Variants in ELMO1 observed in about 807,000 individuals in gnomAD.
ELMO1 encodes engulfment and cell motility protein 1.
In ELMO1, 26 loss-of-function variants were observed where a neutral mutation model predicts 98.9. The observed-to-expected ratio is 0.26, with a 90% confidence interval of 0.19 to 0.36. ELMO1 has a LOEUF of 0.36. Among genes scored for constraint, ELMO1 ranks in the 10% least tolerant of loss-of-function variants. ELMO1 has a pLI of 1.00. For synonymous variants in ELMO1, 346 were observed against 346.0 expected, an observed-to-expected ratio of 1.00 and a Z score of 0.00; for missense variants, 627 against 935.2, an observed-to-expected ratio of 0.67 and a Z score of 4.30.
chr7:37,226,052 A>G (rs73108978), intron 8 of ELMO1, among the ~76,000 whole-genome samples: 1,721 of 152,236 alleles, frequency 0.011, 31 homozygotes, highest in African/African-American at 0.036. Context: ...ATAAATGCAC[A>G]GCACACCATG....
Position 36,855,178 on chromosome 7 carries a change from G to C in ELMO1, c.*373C>G. 3.6e-6 allele frequency: 1 copy of C among 276,228 alleles called. No individual in the cohort carries two copies. Among genetic ancestry groups the C allele is most frequent in the Non-Finnish European group, 7.0e-6 (1 of 142,320 alleles). The allele number at this position is 276,228 out of a possible 1,614,324, so 17.1% of individuals were successfully genotyped here. ...CTTGGGGCACTGCCCTTGGTCTGGTGGGCAAGTTTTTGGGCAGTCTGGGGC... is the reference window on the plus strand; with the variant it reads ...CTTGGGGCACTGCCCTTGGTCTGGTCGGCAAGTTTTTGGGCAGTCTGGGGC... On this transcript the variant is annotated 3_prime_UTR_variant, in exon 22 of 22. Transcript: ENST00000310758. This position sits in a 1 kb window ranked among gnomAD's most constrained non-coding sequence, Gnocchi z 4.2.
chr7:36,963,812 C>T (rs1394883096), intron 16 of ELMO1, among the ~76,000 whole-genome samples: 7 of 152,104 alleles, frequency 4.6e-5, no homozygotes, highest in Non-Finnish European at 1.0e-4. Context: ...AATAACCTGC[C>T]CTTCTGCCCT....
At chr7:36,944,605 T>C (rs1331972135) in intron 16 of ELMO1, among the ~76,000 whole-genome samples, 1 of 152,244 alleles carries the variant, frequency 6.6e-6, no homozygotes, top group Non-Finnish European at 1.5e-5. Context: ...AGCATGTCAC[T>C]GGTCTCTTCC....
At chr7:37,144,221 T>C (rs1787837974) in intron 13 of ELMO1, among the ~76,000 whole-genome samples, 1 of 152,194 alleles carries the variant, frequency 6.6e-6, no homozygotes, top group Admixed American at 6.6e-5. Context: ...AAAAATATTT[T>C]GGGGTACAGA....
chr7:37,075,057 A>T (rs1050964778), intron 15 of ELMO1, among the ~76,000 whole-genome samples: 6 of 152,198 alleles, frequency 3.9e-5, no homozygotes, highest in Admixed American at 2.0e-4. Context: ...CACGAGCAAT[A>T]AAAGGTGTGT....
At chr7:37,089,338 T>G (rs1308650210) in intron 15 of ELMO1, among the ~76,000 whole-genome samples, 2 of 152,166 alleles carry the variant, frequency 1.3e-5, no homozygotes. Context: ...GTAATGTAGG[T>G]TTCTTTCTTG....
intron 16 of ELMO1, among the ~76,000 whole-genome samples, chr7:36,928,152 T>C (rs1421619840): frequency 6.6e-6 from 1 of 152,258 alleles, no homozygotes; most frequent in Admixed American, 6.5e-5. Context: ...TAAACTCCTT[T>C]GATTCAAGTG....
At position 37,320,704 on chromosome 7, in the gene ELMO1, C is replaced by T. The variant is rs1295674560; in HGVS notation, c.79-4744G>A. On this transcript the variant is annotated intron_variant, in intron 2 of 21. Transcript: ENST00000310758. ...TCTTAGTTCATTTCTGTAGCCTTCC[C>T]CACCCCTCAGTACTAGTTACCACAG... Among the ~76,000 whole-genome samples the T allele has an allele frequency of 1.3e-5, 2 of 152,126 alleles. 1 individual carries two copies. Among genetic ancestry groups the T allele is most frequent in the Non-Finnish European group, 2.9e-5 (2 of 68,026 alleles).
At position 37,305,609 on chromosome 7, in the gene ELMO1, A is replaced by G. The variant is rs73110895; in HGVS notation, c.192+9241T>C. Among the ~76,000 whole-genome samples the G allele has an allele frequency of 6.8e-3, 1,030 of 152,382 alleles. 9 individuals are homozygous for G. The highest frequency in any genetic ancestry group is 0.019 in the African/African-American group (810 of 41,596). The stretch of plus-strand genomic sequence containing the variant: ...ACTCTACAATTTCTCCACTGTGAAT[A>G]ATCTTAATGTGTATGTGCGTCTTCT... On this transcript the variant is annotated intron_variant, in intron 4 of 21. Transcript: ENST00000310758.
intron 18 of ELMO1, among the ~76,000 whole-genome samples, chr7:36,882,648 G>T (rs1337909815): frequency 1.3e-5 from 2 of 152,248 alleles, no homozygotes; most frequent in Admixed American, 1.3e-4. Context: ...ACCTGGCCCT[G>T]ATGCTTATTA....
At chr7:36,916,888 T>C (rs1784729567) in intron 16 of ELMO1, among the ~76,000 whole-genome samples, 1 of 152,244 alleles carries the variant, frequency 6.6e-6, no homozygotes, top group Admixed American at 6.5e-5. Flanking sequence ...TACAGTGTTA[T>C]TGGAGTGAAA....
intron 15 of ELMO1, among the ~76,000 whole-genome samples, chr7:37,073,570 G>A (rs1050618563): frequency 6.9e-6 from 1 of 145,430 alleles, no homozygotes; most frequent in African/African-American, 2.6e-5. Context: ...TGTTGTTTTT[G>A]TATGTGTGTG....
At chr7:37,022,421 G>A (rs968007442) in intron 15 of ELMO1, among the ~76,000 whole-genome samples, 1 of 152,106 alleles carries the variant, frequency 6.6e-6, no homozygotes, top group Non-Finnish European at 1.5e-5. Flanking sequence ...TGGGCAAAAC[G>A]TAAATAGGCA....
At chr7:36,861,569 G>T in intron 21 of ELMO1, 90 bp downstream of exon 21, 2 of 1,429,850 alleles carry the variant, frequency 1.4e-6, no homozygotes, top group Non-Finnish European at 1.9e-6. Context: ...TTTTCAGGCA[G>T]GTCTATTTTT....
At chr7:37,129,384 G>A (rs1042387761) in intron 14 of ELMO1, among the ~76,000 whole-genome samples, 5 of 152,216 alleles carry the variant, frequency 3.3e-5, no homozygotes, top group Non-Finnish European at 5.9e-5. Context: ...GAATGCTTAA[G>A]GAGTTAGAAT....
intron 16 of ELMO1, among the ~76,000 whole-genome samples, chr7:36,927,793 A>C (rs1368209140): frequency 6.6e-6 from 1 of 152,244 alleles, no homozygotes; most frequent in African/African-American, 2.4e-5. Context: ...AGTATGAATG[A>C]GTGACAGGGG....
At chr7:36,882,367 G>T (rs1804540629) in intron 18 of ELMO1, among the ~76,000 whole-genome samples, 1 of 152,188 alleles carries the variant, frequency 6.6e-6, no homozygotes. Flanking sequence ...CCAGCAATGT[G>T]TTTAAAGGGA....
chr7:37,078,824 A>T (rs1232055067), intron 15 of ELMO1, among the ~76,000 whole-genome samples: 1 of 152,184 alleles, frequency 6.6e-6, no homozygotes, highest in Non-Finnish European at 1.5e-5. Context: ...ATAATGATAC[A>T]ATTATATTTT....
intron 4 of ELMO1, among the ~76,000 whole-genome samples, chr7:37,285,137 G>T (rs1454277614): frequency 6.6e-6 from 1 of 152,200 alleles, no homozygotes; most frequent in African/African-American, 2.4e-5. Flanking sequence ...ACCCGTGGGT[G>T]GTGATGTCCC....
Sources: gnomAD v4.1 joint callset for allele counts (sites outside exome capture counted in the v4.1 genomes callset) on GRCh38, gnomAD v4.1.1 for gene constraint, Gnocchi (gnomAD v3.1) non-coding constraint, MANE v1.5 for transcripts, NCBI Gene and HGNC (gene_info 2026-07-23, HGNC 2026-07-21) for gene names.